The following MLLT3 variants were observed in gnomAD, a reference collection of about 807,000 sequenced individuals.
MLLT3 encodes the protein protein AF-9.
Under a neutral mutation model 53.2 loss-of-function variants are expected in MLLT3, and 4 were observed. That is an observed-to-expected ratio of 0.08 (90% CI 0.04 to 0.17). The LOEUF (loss-of-function observed/expected upper bound fraction) is 0.17, where lower values mean the gene tolerates loss of function less well. MLLT3 is among the 10% of genes least tolerant of loss of function. MLLT3 has a pLI of 1.00. For synonymous variants in MLLT3, 283 were observed against 230.6 expected (o/e 1.23, Z -2.06); for missense variants, 569 against 684.0 (o/e 0.83, Z 1.87).
intron 4 of MLLT3, among the ~76,000 whole-genome samples, chr9:20,425,064 T>C (rs1382310282): frequency 6.6e-6 from 1 of 152,146 alleles, no homozygotes; most frequent in Non-Finnish European, 1.5e-5. Flanking sequence ...CGTAAGTGTC[T>C]GAACAGAAGA....
chr9:20,485,074 C>T (rs1237905547), intron 2 of MLLT3, among the ~76,000 whole-genome samples: 4 of 151,832 alleles, frequency 2.6e-5, no homozygotes, highest in Non-Finnish European at 5.9e-5. Context: ...CTACAACCTC[C>T]ATCTCCCAGG....
intron 2 of MLLT3, among the ~76,000 whole-genome samples, chr9:20,463,675 T>A (rs1035644726): frequency 1.3e-5 from 2 of 152,150 alleles, no homozygotes. Flanking sequence ...CAGGCTAATA[T>A]GATGGGAAAT....
chr9:20,432,178 C>G (rs1378375452), intron 4 of MLLT3, among the ~76,000 whole-genome samples: 2 of 152,156 alleles, frequency 1.3e-5, no homozygotes, highest in African/African-American at 4.8e-5. Flanking sequence ...AAAACACAAA[C>G]ACAGTGTCTC....
rs1311201684 is a variant in MLLT3 at position 20,414,126 on chromosome 9, T to C, written c.720A>G (p.Lys240=). The stretch of plus-strand genomic sequence containing the variant: ...GAACTATTTTCTCTTCTTTCAGTGG[T>C]TTATTTTCTTTGGGTTTCTTAGAGG... ...KESSKKPKEN[K]PLKEEKIVPK... The change falls in exon 5 of 11, where the codon AAA becomes AAG. Residue 240 remains lysine (K), a synonymous_variant. Transcript: ENST00000380338. 9 of 1,613,712 alleles carry C rather than the reference T, an allele frequency of 5.6e-6. No individual in the cohort carries two copies. The highest frequency in any genetic ancestry group is 6.8e-6 in the Non-Finnish European group (8 of 1,179,970).
chr9:20,483,500 C>A (rs1478223438), intron 2 of MLLT3, among the ~76,000 whole-genome samples: 3 of 151,394 alleles, frequency 2.0e-5, no homozygotes, highest in African/African-American at 4.9e-5. Context: ...CCCAAAATGC[C>A]GGGATTACAG....
Position 20,476,633 on chromosome 9 carries a change from G to A in MLLT3, c.194-19847C>T, listed in dbSNP as rs1824528120. ...CACCAGAGGCTCTATAAATCATATG[G>A]TACCTGGTTGAGATTCCTTGGAAAT... On this transcript the variant is annotated intron_variant, in intron 2 of 10. Coordinates refer to ENST00000380338, the MANE Select transcript of MLLT3 (RefSeq NM_004529.4). 2.0e-5 allele frequency among the ~76,000 whole-genome samples: 3 copies of A among 152,026 alleles called. No individual in the cohort carries two copies. The South Asian group carries it at 6.2e-4, about 32-fold the overall frequency.
At chr9:20,536,198 CAAAACA>C (rs1005902950) in intron 2 of MLLT3, among the ~76,000 whole-genome samples, 1 of 151,248 alleles carries the variant, frequency 6.6e-6, no homozygotes, top group African/African-American at 2.4e-5. Flanking sequence ...CAAAACAAAA[CAAAACA>C]AAAAAACTGG....
At chr9:20,602,761 TAC>T (rs3086486) in intron 2 of MLLT3, among the ~76,000 whole-genome samples, 8,899 of 147,200 alleles carry the variant, frequency 0.06, 299 homozygotes, top group African/African-American at 0.096. Flanking sequence ...TTAAGTTTGA[TAC>T]ACACACACAC....
At chr9:20,375,610 C>CTTTT (rs1307638910) in intron 5 of MLLT3, among the ~76,000 whole-genome samples, 1 of 94,844 alleles carries the variant, frequency 1.1e-5, no homozygotes, top group South Asian at 2.8e-4. Flanking sequence ...TTTTTCTTTT[C>CTTTT]TTTTTTTTTT....
At chr9:20,490,621 G>A (rs1824923908) in intron 2 of MLLT3, among the ~76,000 whole-genome samples, 1 of 152,230 alleles carries the variant, frequency 6.6e-6, no homozygotes, top group African/African-American at 2.4e-5. Flanking sequence ...GAAACCCACA[G>A]CAGAGAAACA....
At chr9:20,607,576 C>T (rs1393830704) in intron 2 of MLLT3, among the ~76,000 whole-genome samples, 1 of 152,034 alleles carries the variant, frequency 6.6e-6, no homozygotes, top group African/African-American at 2.4e-5. Flanking sequence ...ATACCCAGAT[C>T]ATAAACATCA....
At position 20,621,890 on chromosome 9, in the gene MLLT3, G is replaced by C; in HGVS notation, c.12+355C>G. 4 of 1,364,760 alleles carry C rather than the reference G, an allele frequency of 2.9e-6. No individual in the cohort carries two copies. In the South Asian group the frequency reaches 5.3e-5, roughly 18 times the overall value. 84.5% of individuals were successfully genotyped at this position (1,364,760 alleles called of 1,614,324 possible). On this transcript the variant is annotated intron_variant, in intron 1 of 10. Coordinates refer to ENST00000380338, the MANE Select transcript of MLLT3 (RefSeq NM_004529.4). The surrounding 1 kb of genome is among the most constrained non-coding windows in gnomAD (Gnocchi z 7.0). ...CTGAAATATGGCTGAGTTATTATTC[G>C]CCTCCTTCCACCGTGTGTGTGTGTG...
chr9:20,421,703 T>G (rs949419955), intron 4 of MLLT3, among the ~76,000 whole-genome samples: 76 of 152,288 alleles, frequency 5.0e-4, no homozygotes, highest in African/African-American at 1.7e-3. Flanking sequence ...GAAGTGAAAT[T>G]TCTTGCATGT....
At chr9:20,359,738 G>A (rs1821269846) in intron 8 of MLLT3, among the ~76,000 whole-genome samples, 1 of 152,154 alleles carries the variant, frequency 6.6e-6, no homozygotes, top group African/African-American at 2.4e-5. Context: ...TAAAATTGAA[G>A]GACACCTGTG....
intron 2 of MLLT3, among the ~76,000 whole-genome samples, chr9:20,541,507 T>C (rs954999511): frequency 1.3e-5 from 2 of 152,144 alleles, no homozygotes; most frequent in Admixed American, 6.5e-5. Context: ...GCAAGGCACA[T>C]CTCACATGGC....
chr9:20,432,799 A>G (rs1823308807), intron 4 of MLLT3, among the ~76,000 whole-genome samples: 1 of 152,142 alleles, frequency 6.6e-6, no homozygotes, highest in African/African-American at 2.4e-5. Flanking sequence ...ATCCTTCACA[A>G]AAAACTATTT....
intron 2 of MLLT3, among the ~76,000 whole-genome samples, chr9:20,500,517 A>G (rs1825195567): frequency 6.6e-6 from 1 of 152,246 alleles, no homozygotes; most frequent in African/African-American, 2.4e-5. Flanking sequence ...CAACTGTGAG[A>G]AGAGCATGTG....
At chr9:20,440,985 T>C (rs1436652210) in intron 4 of MLLT3, among the ~76,000 whole-genome samples, 1 of 152,156 alleles carries the variant, frequency 6.6e-6, no homozygotes, top group Admixed American at 6.6e-5. Flanking sequence ...CGGGGAGGTC[T>C]GCAGAAAGAA....
At chr9:20,371,426 C>A (rs1821598412) in intron 5 of MLLT3, among the ~76,000 whole-genome samples, 1 of 152,228 alleles carries the variant, frequency 6.6e-6, no homozygotes, top group South Asian at 2.1e-4. Context: ...GGCTGACACT[C>A]TTTTTAGAGG....
Sources: allele counts gnomAD v4.1 joint callset (sites outside exome capture counted in the v4.1 genomes callset), GRCh38; gene constraint gnomAD v4.1.1; non-coding constraint Gnocchi (gnomAD v3.1); transcripts MANE v1.5; gene names NCBI Gene and HGNC (gene_info 2026-07-23, HGNC 2026-07-21).